Variants in PSMG4 observed in about 807,000 individuals in gnomAD.
PSMG4 encodes proteasome assembly chaperone 4.
In PSMG4, 10 loss-of-function variants were observed where a neutral mutation model predicts 11.0. That is an observed-to-expected ratio of 0.91 (90% CI 0.56 to 1.54). The LOEUF is 1.54. Among genes scored for constraint, PSMG4 ranks in the 40% most tolerant of loss-of-function variants. The probability of loss-of-function intolerance (pLI) is 0.00; values close to 1 mark genes in which losing one functional copy is unlikely to be tolerated. For synonymous variants in PSMG4, 95 were observed against 71.3 expected (o/e 1.33, Z -1.68); for missense variants, 198 against 160.9 (o/e 1.23, Z -1.25).
intron 1 of PSMG4, among the ~76,000 whole-genome samples, chr6:3,262,285 T>G (rs1405825760): frequency 2.0e-5 from 3 of 152,124 alleles, no homozygotes; most frequent in African/African-American, 7.2e-5. Context: ...CTATTAAGGG[T>G]GACACGATGG....
intron 1 of PSMG4, among the ~76,000 whole-genome samples, chr6:3,260,287 A>ATTTTTTTTTTT (rs1429987705): frequency 9.3e-5 from 1 of 10,752 alleles, no homozygotes; most frequent in Non-Finnish European, 2.1e-4. Flanking sequence ...GTATATATAT[A>ATTTTTTTTTTT]TATATTTTTT....
At chr6:3,262,380 T>C (rs1758022747) in intron 1 of PSMG4, among the ~76,000 whole-genome samples, 1 of 152,252 alleles carries the variant, frequency 6.6e-6, no homozygotes, top group African/African-American at 2.4e-5. Flanking sequence ...CTGTACATAC[T>C]ATTACCATGC....
At chr6:3,258,919 C>G (rs1757853641), upstream of PSMG4, 1 of 1,140,572 alleles carries the variant, frequency 8.8e-7, no homozygotes. Flanking sequence ...GGGCCGAAAG[C>G]GAAAGCGCGC....
chr6:3,261,556 C>T (rs117251043), intron 1 of PSMG4, among the ~76,000 whole-genome samples: 1,800 of 152,246 alleles, frequency 0.012, 42 homozygotes, highest in East Asian at 0.093. Context: ...TGGAAAGTGC[C>T]CCTCCAGCAA....
chr6:3,261,744 C>T lies in PSMG4; in HGVS notation c.175-1940C>T, dbSNP rs573277666. Among the ~76,000 whole-genome samples, 15 of 152,236 alleles carry T rather than the reference C, an allele frequency of 9.9e-5. No individual in the cohort carries two copies. In the South Asian group the frequency reaches 2.9e-3, roughly 30 times the overall value. ...CAGGAAGCCCAAGGTTCCTGTGACC[C>T]GTGGGGCGGCCCTCCATCTACTGTC... On this transcript the variant is annotated intron_variant, in intron 1 of 2. Transcript: ENST00000438998.
chr6:3,255,457 C>T (rs926001027), upstream of PSMG4, among the ~76,000 whole-genome samples: 1 of 151,876 alleles, frequency 6.6e-6, no homozygotes, highest in African/African-American at 2.4e-5. Flanking sequence ...ACCACCACCT[C>T]TTTTATCTTC....
At chr6:3,255,273 T>C (rs374511854), upstream of PSMG4, 30 of 1,543,084 alleles carry the variant, frequency 1.9e-5, no homozygotes, top group African/African-American at 2.5e-4. Context: ...CACGGCTGTC[T>C]TACGGGTCTA....
upstream of PSMG4, among the ~76,000 whole-genome samples, chr6:3,256,661 A>G (rs4445096): frequency 0.71 from 107,609 of 152,084 alleles, 40,566 homozygotes; most frequent in Non-Finnish European, 0.84. Context: ...ATTTCTTTTG[A>G]TAGTGTAAGG....
In PSMG4 at chr6:3,264,247, G is replaced by A. The variant is rs566254513; in HGVS notation, c.250+488G>A. 207 of 1,551,476 alleles carry A rather than the reference G, an allele frequency of 1.3e-4. No individual in the cohort carries two copies. The highest frequency in any genetic ancestry group is 1.2e-3 in the Admixed American group (61 of 50,992). ...GACTGGCCTGGCCTGTGAGTGTGGC[G>A]TAGAGTGGGGATTAAGCAAAGGTCA... On this transcript the variant is annotated intron_variant, in intron 2 of 2. Transcript: ENST00000438998.
At chr6:3,255,188 G>C, upstream of PSMG4, 2 of 1,550,648 alleles carry the variant, frequency 1.3e-6, no homozygotes, top group Non-Finnish European at 1.7e-6. Context: ...CGCTCTGGTG[G>C]AAGTAGGATG....
chr6:3,266,580 G>C (rs991038364), intron 2 of PSMG4: 1 of 152,172 alleles, frequency 6.6e-6, no homozygotes, highest in Non-Finnish European at 1.5e-5. Context: ...GTATTTTCAG[G>C]ATATTGGCTT....
intron 1 of PSMG4, among the ~76,000 whole-genome samples, chr6:3,260,244 C>T (rs1392679276): frequency 1.3e-5 from 2 of 148,648 alleles, no homozygotes; most frequent in Non-Finnish European, 3.0e-5. Context: ...GATTAAGGGC[C>T]CATCCTACTC....
chr6:3,259,858 C>G (rs999445064), intron 1 of PSMG4, among the ~76,000 whole-genome samples: 9 of 152,208 alleles, frequency 5.9e-5, no homozygotes, highest in Non-Finnish European at 1.3e-4. Flanking sequence ...TCCGGCTTTG[C>G]GTGTCGCCGC....
chr6:3,267,649 C>T lies in PSMG4; in HGVS notation c.309C>T (p.Asn103=). ...ATAACCTTCAGAACACAGACAGTAA[C>T]TTCGCATTACTTGTAGAAAACAGGA... ...VSYNLQNTDS[N]FALLVENRIK... is the part of the protein sequence containing the mutation. The change falls in exon 3 of 3, where the codon AAC becomes AAT. Residue 103 remains asparagine (N), a synonymous_variant. Transcript: ENST00000438998. 1 of 1,552,170 alleles carries T rather than the reference C, an allele frequency of 6.4e-7. No individual in the cohort carries two copies.
At position 3,268,010 on chromosome 6, in the gene PSMG4, C is replaced by T. The variant is rs1332589956; in HGVS notation, c.*298C>T. On this transcript the variant is annotated 3_prime_UTR_variant, in exon 3 of 3. Coordinates refer to ENST00000438998, the MANE Select transcript of PSMG4 (RefSeq NM_001128591.2). ...GAGTTTCAATCAGACATGACTGTGA[C>T]GTGCATCCTCAATTAGAATTAAAGT... 9 of 227,304 alleles carry T rather than the reference C, an allele frequency of 4.0e-5. No individual in the cohort carries two copies. The highest frequency in any genetic ancestry group is 2.6e-4 in the South Asian group (3 of 11,646). The allele number at this position is 227,304 out of a possible 1,614,324, so 14.1% of individuals were successfully genotyped here. A position where few individuals can be genotyped will look rare whatever the true frequency, so the allele number is the denominator to read the frequency against.
chr6:3,255,252 TTC>T (rs1757719856), upstream of PSMG4: 1 of 1,548,074 alleles, frequency 6.5e-7, no homozygotes, highest in Non-Finnish European at 8.7e-7. Context: ...TGCTGTTGGG[TTC>T]TGTGTTACCA....
chr6:3,260,213 A>G lies in PSMG4; in HGVS notation c.174+1017A>G, dbSNP rs1042468958. Among the ~76,000 whole-genome samples the G allele has an allele frequency of 2.7e-5, 4 of 145,908 alleles. No individual in the cohort carries two copies. In the South Asian group the frequency reaches 6.5e-4, roughly 24 times the overall value. Reference sequence around the variant, plus strand: ...TTCCTCAGTGAGCCCGACTCTTCTCATAAGGACATCAGTAATGTTGGATTA... The same window carrying G: ...TTCCTCAGTGAGCCCGACTCTTCTCGTAAGGACATCAGTAATGTTGGATTA... On this transcript the variant is annotated intron_variant, in intron 1 of 2. Coordinates refer to ENST00000438998, the MANE Select transcript of PSMG4 (RefSeq NM_001128591.2).
chr6:3,261,123 C>CT (rs1482857755), intron 1 of PSMG4, among the ~76,000 whole-genome samples: 1 of 152,242 alleles, frequency 6.6e-6, no homozygotes, highest in Non-Finnish European at 1.5e-5. Flanking sequence ...ACTGAGGGTG[C>CT]TGGGGGCAGG....
At chr6:3,255,901 A>G (rs4997728), upstream of PSMG4, among the ~76,000 whole-genome samples, 103,628 of 151,896 alleles carry the variant, frequency 0.68, 38,602 homozygotes, top group Non-Finnish European at 0.83. Flanking sequence ...TTGGGATAGA[A>G]AACACATTTG....
Sources: gnomAD v4.1 joint callset for allele counts (sites outside exome capture counted in the v4.1 genomes callset) on GRCh38, gnomAD v4.1.1 for gene constraint, MANE v1.5 for transcripts, NCBI Gene and HGNC (gene_info 2026-07-23, HGNC 2026-07-21) for gene names.